Variants in HDGFL3 observed in about 807,000 individuals in gnomAD.
HDGFL3 encodes the protein hepatoma-derived growth factor-related protein 3.
HDGFL3 carries 6 observed loss-of-function variants against 27.6 expected under a neutral mutation model. The ratio of observed to expected loss-of-function variants is 0.22; its 90% confidence interval spans 0.12 to 0.43. HDGFL3 has a LOEUF of 0.43. Among genes scored for constraint, HDGFL3 ranks in the 20% least tolerant of loss-of-function variants. HDGFL3 has a pLI of 1.00. For missense variants in HDGFL3, 207 were observed against 250.1 expected (o/e 0.83, Z 1.16); for synonymous variants, 88 against 88.9 (o/e 0.99, Z 0.05).
At chr15:83,127,692 T>C (rs2035890086), downstream of HDGFL3, 1 of 455,142 alleles carries the variant, frequency 2.2e-6, no homozygotes, top group East Asian at 4.7e-5. Context: ...GTTACACAGA[T>C]GAGGAAGTTA....
chr15:83,117,701 C>G (rs1283405467), intron 3 of HDGFL3, among the ~76,000 whole-genome samples: 4 of 151,980 alleles, frequency 2.6e-5, no homozygotes, highest in Non-Finnish European at 5.9e-5. Context: ...GGGCCAGGCT[C>G]TGGGGACCCA....
At chr15:83,196,357 T>C (rs2037571759) in intron 1 of HDGFL3, among the ~76,000 whole-genome samples, 1 of 151,900 alleles carries the variant, frequency 6.6e-6, no homozygotes, top group Non-Finnish European at 1.5e-5. Flanking sequence ...ACTAAATGAA[T>C]TAAAATAGTT....
At chr15:83,120,451 G>A (rs1228879019) in intron 3 of HDGFL3, among the ~76,000 whole-genome samples, 1 of 152,044 alleles carries the variant, frequency 6.6e-6, no homozygotes, top group Non-Finnish European at 1.5e-5. Flanking sequence ...TTTCAAGTCC[G>A]GCCATCTTCT....
At chr15:83,170,740 G>A (rs996794720) in intron 1 of HDGFL3, among the ~76,000 whole-genome samples, 1 of 152,036 alleles carries the variant, frequency 6.6e-6, no homozygotes, top group African/African-American at 2.4e-5. Flanking sequence ...AAACTAAAGA[G>A]CTTCTGCACA....
Position 83,207,384 on chromosome 15 carries a change from C to G in HDGFL3, c.31G>C (p.Ala11Pro). 1.4e-6 allele frequency: 2 copies of G among 1,390,868 alleles called. No individual in the cohort carries two copies. The highest frequency in any genetic ancestry group is 1.9e-6 in the Non-Finnish European group (2 of 1,065,494). The allele number at this position is 1,390,868 out of a possible 1,614,324, so 86.2% of individuals were successfully genotyped here. A position where few individuals can be genotyped will look rare whatever the true frequency, so the allele number is the denominator to read the frequency against. Residue 11 changes from alanine to proline, a missense_variant, in exon 1 of 6, where the codon GCG becomes CCG. By Grantham distance (27) the Ala-to-Pro change is conservative (BLOSUM62 -1). Transcript: ENST00000299633. This position sits in a 1 kb window ranked among gnomAD's most constrained non-coding sequence, Gnocchi z 4.8. ...ATCTTGGCGAAGACCAGGTCGCCCG[C>G]TTTGTACTCGCGGGGCCGCGGACGC... Reference protein sequence around the residue: MARPRPREYKAGDLVFAKMKG... With the variant: MARPRPREYKPGDLVFAKMKG...
rs1938155515 is a variant in HDGFL3, at chr15:83,134,113, G to T, written c.*5157C>A. ...CCTTTTTGTATTTTGACAGTCACAAGTCCATTGTTGTTGAACGTTTATTGA... is the reference window on the plus strand; with the variant it reads ...CCTTTTTGTATTTTGACAGTCACAATTCCATTGTTGTTGAACGTTTATTGA... On this transcript the variant is annotated 3_prime_UTR_variant, in exon 6 of 6. Coordinates refer to ENST00000299633, the MANE Select transcript of HDGFL3 (RefSeq NM_016073.4). 6.6e-6 allele frequency: 1 copy of T among 152,140 alleles called. No homozygotes were observed. Among genetic ancestry groups the T allele is most frequent in the Non-Finnish European group, 1.5e-5 (1 of 68,028 alleles). 9.4% of individuals were successfully genotyped at this position (152,140 alleles called of 1,614,324 possible).
At chr15:83,146,293 C>G (rs2036891417) in intron 5 of HDGFL3, among the ~76,000 whole-genome samples, 1 of 152,102 alleles carries the variant, frequency 6.6e-6, no homozygotes, top group Non-Finnish European at 1.5e-5. Flanking sequence ...ATTAAGAACT[C>G]TGGGGTTCTA....
chr15:83,166,342 T>C (rs1246365793), intron 1 of HDGFL3, among the ~76,000 whole-genome samples: 9 of 152,204 alleles, frequency 5.9e-5, no homozygotes, highest in Admixed American at 5.9e-4. Context: ...AAAAATTTCA[T>C]ATCCTGCCAA....
rs1032324936 is a variant in HDGFL3 at position 83,133,415 on chromosome 15, C to T, written c.*5855G>A. 5.3e-5 allele frequency: 8 copies of T among 152,118 alleles called. No homozygotes were observed. The highest frequency in any genetic ancestry group is 1.2e-4 in the Non-Finnish European group (8 of 68,022). 9.4% of individuals were successfully genotyped at this position (152,118 alleles called of 1,614,324 possible). A position where few individuals can be genotyped will look rare whatever the true frequency, so the allele number is the denominator to read the frequency against. On this transcript the variant is annotated 3_prime_UTR_variant, in exon 6 of 6. Coordinates refer to ENST00000299633, the MANE Select transcript of HDGFL3 (RefSeq NM_016073.4). ...GATTGTCTCTATACATGTAAGAAAA[C>T]AGCTCTTAAAATTTAACCTTTGTTC...
At chr15:83,158,128 G>A (rs1427000592) in intron 2 of HDGFL3, 87 bp from the exon 3 acceptor site, 1 of 1,107,216 alleles carries the variant, frequency 9.0e-7, no homozygotes, top group Non-Finnish European at 1.3e-6. Context: ...AGATGTCAGA[G>A]CATACTATAG....
At chr15:83,186,027 T>C (rs913668418) in intron 1 of HDGFL3, 1 of 152,266 alleles carries the variant, frequency 6.6e-6, no homozygotes, top group Non-Finnish European at 1.5e-5. Context: ...ATGAGGCCCT[T>C]AGGCCAACAA....
chr15:83,176,814 T>C (rs780909360), intron 1 of HDGFL3, among the ~76,000 whole-genome samples: 57 of 151,866 alleles, frequency 3.8e-4, no homozygotes, highest in Non-Finnish European at 6.9e-4. Context: ...TGCACTGAGA[T>C]TGCAAAAATG....
intron 1 of HDGFL3, among the ~76,000 whole-genome samples, chr15:83,181,707 C>T (rs2037383712): frequency 6.6e-6 from 1 of 152,110 alleles, no homozygotes; most frequent in Non-Finnish European, 1.5e-5. Context: ...AACGCCTGAC[C>T]CCAAGTGATC....
chr15:83,199,061 C>T (rs1375878377), intron 1 of HDGFL3, among the ~76,000 whole-genome samples: 1 of 152,202 alleles, frequency 6.6e-6, no homozygotes, highest in Non-Finnish European at 1.5e-5. Flanking sequence ...AACAACAACT[C>T]ATTTCCAAAG....
chr15:83,120,587 C>CTTT (rs993490763), intron 3 of HDGFL3, among the ~76,000 whole-genome samples: 9 of 125,922 alleles, frequency 7.1e-5, no homozygotes, highest in South Asian at 2.8e-4. Flanking sequence ...CCAGCTAATT[C>CTTT]TTTTTTTTTT....
intron 4 of HDGFL3, among the ~76,000 whole-genome samples, chr15:83,154,705 CTTT>C (rs1263366572): frequency 6.6e-6 from 1 of 152,082 alleles, no homozygotes; most frequent in Non-Finnish European, 1.5e-5. Context: ...AAGTGAAAAA[CTTT>C]TTGTTCTCCT....
chr15:83,156,108 C>G (rs2037025703), intron 4 of HDGFL3, among the ~76,000 whole-genome samples: 1 of 152,142 alleles, frequency 6.6e-6, no homozygotes, highest in African/African-American at 2.4e-5. Flanking sequence ...GCCTTTCCCC[C>G]TTGGTCATGA....
chr15:83,124,910 G>A (rs2035594630), downstream of HDGFL3: 1 of 766,798 alleles, frequency 1.3e-6, no homozygotes, highest in Non-Finnish European at 2.1e-6. Context: ...TCCCATCAAA[G>A]CCTGGAGCCC....
At chr15:83,154,964 G>C (rs952772572) in intron 4 of HDGFL3, among the ~76,000 whole-genome samples, 1 of 152,114 alleles carries the variant, frequency 6.6e-6, no homozygotes, top group African/African-American at 2.4e-5. Context: ...GGACTCCTGG[G>C]CTCATGCAAT....
Sources: allele counts gnomAD v4.1 joint callset (sites outside exome capture counted in the v4.1 genomes callset), GRCh38; gene constraint gnomAD v4.1.1; non-coding constraint Gnocchi (gnomAD v3.1); transcripts MANE v1.5; gene names NCBI Gene and HGNC (gene_info 2026-07-23, HGNC 2026-07-21).